Variants in MSR1 observed in about 807,000 individuals in gnomAD.
The protein encoded by MSR1 is macrophage scavenger receptor types I and II.
A neutral mutation model predicts 47.2 loss-of-function variants in MSR1; 53 were observed. That is an observed-to-expected ratio of 1.12 (90% CI 0.90 to 1.41). The LOEUF is 1.41. MSR1 is among the 40% of genes most tolerant of loss of function. MSR1 has a pLI of 0.00. For synonymous variants in MSR1, 239 were observed against 185.6 expected (o/e 1.29, Z -2.34); for missense variants, 786 against 546.9 (o/e 1.44, Z -4.36).
intron 8 of MSR1, among the ~76,000 whole-genome samples, chr8:16,132,827 G>C (rs1212355703): frequency 6.8e-6 from 1 of 148,128 alleles, no homozygotes; most frequent in Non-Finnish European, 1.5e-5. Context: ...GAGTAGTGGA[G>C]AGGGCATCAT....
chr8:16,136,159 A>T (rs796822617), intron 8 of MSR1, among the ~76,000 whole-genome samples: 6 of 152,268 alleles, frequency 3.9e-5, no homozygotes, highest in African/African-American at 1.4e-4. Flanking sequence ...AAGTGGGTCA[A>T]TGCTATCAAA....
intron 8 of MSR1, 64 bp downstream of exon 8, chr8:16,143,494 C>G (rs892263911): frequency 6.3e-6 from 9 of 1,434,080 alleles, no homozygotes; most frequent in Non-Finnish European, 7.9e-6. Flanking sequence ...AAGCCCAGAT[C>G]TCTAGTATCA....
At chr8:16,184,812 T>C (rs1334877832) in intron 1 of MSR1, among the ~76,000 whole-genome samples, 1 of 152,178 alleles carries the variant, frequency 6.6e-6, no homozygotes, top group Non-Finnish European at 1.5e-5. Flanking sequence ...ATTTATTTTT[T>C]TTTAGCATAT....
chr8:16,146,538 T>A (rs1800703866), intron 7 of MSR1, among the ~76,000 whole-genome samples: 1 of 152,078 alleles, frequency 6.6e-6, no homozygotes, highest in Non-Finnish European at 1.5e-5. Context: ...CCCCACAGAA[T>A]CTGCTCTGAA....
chr8:16,188,095 T>C (rs1396916868), intron 1 of MSR1, among the ~76,000 whole-genome samples: 2 of 152,140 alleles, frequency 1.3e-5, no homozygotes, highest in East Asian at 1.9e-4. Context: ...TAAACGATTG[T>C]AAAATCCTTG....
intron 3 of MSR1, 143 bp from the exon 4 acceptor site, chr8:16,169,013 T>C (rs1801406344): frequency 1.0e-5 from 8 of 801,220 alleles, no homozygotes; most frequent in African/African-American, 1.7e-5. Flanking sequence ...GTATTTTTTT[T>C]TAATCTACAA....
At chr8:16,137,094 G>A (rs1800408613) in intron 8 of MSR1, among the ~76,000 whole-genome samples, 1 of 152,012 alleles carries the variant, frequency 6.6e-6, no homozygotes, top group South Asian at 2.1e-4. Flanking sequence ...CCAAATAATA[G>A]TGAAAAATGT....
At chr8:16,149,688 C>A (rs1585162404) in intron 7 of MSR1, among the ~76,000 whole-genome samples, 1 of 151,936 alleles carries the variant, frequency 6.6e-6, no homozygotes, top group South Asian at 2.1e-4. Flanking sequence ...TGCTGAGCAA[C>A]CTTGATTCTT....
intron 8 of MSR1, chr8:16,140,649 T>C (rs1800530979): frequency 8.3e-7 from 1 of 1,202,382 alleles, no homozygotes; most frequent in African/African-American, 1.5e-5. Flanking sequence ...TAGAACCCAA[T>C]AAATTAAATT....
rs35602585 is a variant in MSR1 at position 16,174,537 on chromosome 8, T to C, written c.217+650A>G. Reference sequence around the variant, plus strand: ...AAGTCAGACCCTCCAAAGAAATATATACCTCAGGAACATCATTTTGAGCCC... The same window carrying C: ...AAGTCAGACCCTCCAAAGAAATATACACCTCAGGAACATCATTTTGAGCCC... On this transcript the variant is annotated intron_variant, in intron 3 of 9. Coordinates refer to ENST00000262101, the MANE Select transcript of MSR1 (RefSeq NM_138715.3). Among the ~76,000 whole-genome samples, 607 of 152,284 alleles carry C rather than the reference T, an allele frequency of 4.0e-3. 5 individuals carry two copies. The highest frequency in any genetic ancestry group is 0.014 in the African/African-American group (579 of 41,560).
chr8:16,146,160 T>A (rs1800691255), intron 7 of MSR1, among the ~76,000 whole-genome samples: 1 of 152,062 alleles, frequency 6.6e-6, no homozygotes, highest in Non-Finnish European at 1.5e-5. Context: ...TAGGCCGCCT[T>A]TCCATCCCCC....
Position 16,108,295 on chromosome 8 carries a change from G to A in MSR1, c.*1790C>T, listed in dbSNP as rs1041066130. On this transcript the variant is annotated 3_prime_UTR_variant, in exon 10 of 10. Coordinates refer to ENST00000262101, the MANE Select transcript of MSR1 (RefSeq NM_138715.3). The stretch of plus-strand genomic sequence containing the variant: ...AGTAATAGTAATAGTACTATTATTA[G>A]TGTTAATAATACTAATAGTTAATAC... The A allele has an allele frequency of 6.6e-6, 1 of 150,432 alleles. No homozygotes were observed. The highest frequency in any genetic ancestry group is 1.5e-5 in the Non-Finnish European group (1 of 67,644). 9.3% of individuals were successfully genotyped at this position (150,432 alleles called of 1,614,324 possible).
At chr8:16,156,890 T>C (rs1211910389) in intron 5 of MSR1, among the ~76,000 whole-genome samples, 1 of 151,892 alleles carries the variant, frequency 6.6e-6, no homozygotes, top group Non-Finnish European at 1.5e-5. Context: ...TGCAGAAGAA[T>C]GTAGTACTTC....
intron 8 of MSR1, among the ~76,000 whole-genome samples, chr8:16,138,962 T>C (rs1291570765): frequency 6.6e-6 from 1 of 152,198 alleles, no homozygotes; most frequent in African/African-American, 2.4e-5. Flanking sequence ...CCATGCTTTG[T>C]TCTTCAGAGA....
At chr8:16,184,205 C>T (rs1801926629) in intron 1 of MSR1, among the ~76,000 whole-genome samples, 2 of 151,872 alleles carry the variant, frequency 1.3e-5, no homozygotes, top group Non-Finnish European at 2.9e-5. Flanking sequence ...AGCCAAGTGT[C>T]CCTTTTATTA....
At chr8:16,180,570 C>A (rs546277220) in intron 1 of MSR1, among the ~76,000 whole-genome samples, 7 of 152,264 alleles carry the variant, frequency 4.6e-5, no homozygotes, top group Admixed American at 1.3e-4. Context: ...CTGATCATTT[C>A]TTATTTTCTT....
At chr8:16,174,796 A>G (rs1206344305) in intron 3 of MSR1, among the ~76,000 whole-genome samples, 1 of 152,048 alleles carries the variant, frequency 6.6e-6, no homozygotes, top group East Asian at 1.9e-4. Context: ...TTTATATTAT[A>G]GCTATTGTTA....
chr8:16,123,587 T>C (rs1378421967), intron 8 of MSR1, among the ~76,000 whole-genome samples: 1 of 3,682 alleles, frequency 2.7e-4, no homozygotes, highest in Non-Finnish European at 3.1e-3. Context: ...CATGTATATG[T>C]GTGTGTGTGT....
chr8:16,113,677 A>C (rs1357107187), intron 9 of MSR1, among the ~76,000 whole-genome samples: 1 of 152,150 alleles, frequency 6.6e-6, no homozygotes, highest in Non-Finnish European at 1.5e-5. Flanking sequence ...ATTTTTCCTC[A>C]ATTTTATGAT....
Sources: gnomAD v4.1 joint callset for allele counts (sites outside exome capture counted in the v4.1 genomes callset) on GRCh38, gnomAD v4.1.1 for gene constraint, MANE v1.5 for transcripts, NCBI Gene and HGNC (gene_info 2026-07-23, HGNC 2026-07-21) for gene names.